The following SPEF2 variants were observed in gnomAD, a reference collection of about 807,000 sequenced individuals.
SPEF2 encodes sperm flagella and cilia-associated protein 2.
SPEF2 carries 187 observed loss-of-function variants against 224.6 expected under a neutral mutation model. The observed-to-expected ratio is 0.83, with a 90% CI of 0.74 to 0.94. SPEF2 has a LOEUF of 0.94. SPEF2 is among the 40% of genes least tolerant of loss of function. The pLI is 0.00. For synonymous variants in SPEF2, 715 were observed against 707.3 expected (o/e 1.01, Z -0.17); for missense variants, 2,170 against 2,135.6 (o/e 1.02, Z -0.32).
At chr5:35,801,396 C>T (rs189002335) in intron 34 of SPEF2, among the ~76,000 whole-genome samples, 2 of 152,016 alleles carry the variant, frequency 1.3e-5, no homozygotes, top group African/African-American at 4.8e-5. Context: ...GCCTGTAGTC[C>T]CAGCTACTCA....
intron 30 of SPEF2, 121 bp downstream of exon 30, chr5:35,779,467 T>A: frequency 1.4e-6 from 1 of 693,168 alleles, no homozygotes; most frequent in Non-Finnish European, 2.4e-6. Context: ...AACATGCCCT[T>A]GCTTTGTTCT....
chr5:35,724,086 A>T lies in SPEF2; in HGVS notation c.2915-3589A>T, dbSNP rs1236260485. Among the ~76,000 whole-genome samples the T allele has an allele frequency of 2.6e-5, 4 of 152,202 alleles. No individual in the cohort carries two copies. The East Asian group carries it at 7.7e-4, about 29-fold the overall frequency. ...ATAATCTCATTAAGTTCTCACAATC[A>T]TCTATGAAGTAGAAATTATCATTTT... On this transcript the variant is annotated intron_variant, in intron 20 of 36. Coordinates refer to ENST00000356031, the MANE Select transcript of SPEF2 (RefSeq NM_024867.4).
chr5:35,702,529 C>T (rs747523355), intron 16 of SPEF2, among the ~76,000 whole-genome samples: 1 of 152,142 alleles, frequency 6.6e-6, no homozygotes, highest in Non-Finnish European at 1.5e-5. Flanking sequence ...CAAATACTGA[C>T]CCTTTGTGGC....
rs1190463295 is a variant in SPEF2, at chr5:35,669,948, T to C, written c.1356-111T>C. On this transcript the variant is annotated intron_variant, in intron 9 of 36. Transcript: ENST00000356031. ...CTTTAAGATCATTTTTCAGTAATTATTTCTGTCTGATGAAAGTGAGCTAAT... is the reference window on the plus strand; with the variant it reads ...CTTTAAGATCATTTTTCAGTAATTACTTCTGTCTGATGAAAGTGAGCTAAT... The C allele has an allele frequency of 8.6e-6, 7 of 818,524 alleles. No homozygotes were observed. The East Asian group carries it at 2.0e-4, about 23-fold the overall frequency. 50.7% of individuals were successfully genotyped at this position (818,524 alleles called of 1,614,324 possible). A position where few individuals can be genotyped will look rare whatever the true frequency, so the allele number is the denominator to read the frequency against.
At chr5:35,720,418 T>C (rs749034483) in intron 20 of SPEF2, among the ~76,000 whole-genome samples, 1 of 152,224 alleles carries the variant, frequency 6.6e-6, no homozygotes, top group Non-Finnish European at 1.5e-5. Flanking sequence ...TCATGAGTCC[T>C]GTATGTTTTT....
intron 10 of SPEF2, chr5:35,675,970 A>C (rs1210375383): frequency 6.6e-6 from 3 of 456,292 alleles, no homozygotes; most frequent in Admixed American, 2.3e-5. Context: ...ATTTGGCTTC[A>C]AATTATTAAC....
chr5:35,754,538 G>T (rs1447737274), intron 24 of SPEF2, among the ~76,000 whole-genome samples: 2 of 152,194 alleles, frequency 1.3e-5, no homozygotes, highest in Non-Finnish European at 1.5e-5. Flanking sequence ...TCTCACACAA[G>T]AACTGGGAGA....
chr5:35,805,008 C>A (rs572667670), intron 34 of SPEF2, among the ~76,000 whole-genome samples: 1 of 152,156 alleles, frequency 6.6e-6, no homozygotes. Flanking sequence ...TTTCATTGCC[C>A]TGGAAGATTA....
chr5:35,661,337 A>G (rs1432412871), intron 8 of SPEF2, among the ~76,000 whole-genome samples: 1 of 142,036 alleles, frequency 7.0e-6, no homozygotes, highest in South Asian at 2.2e-4. Flanking sequence ...AAGTGTGTGT[A>G]TATATATATA....
At chr5:35,748,366 T>C (rs998335938) in intron 23 of SPEF2, among the ~76,000 whole-genome samples, 22 of 151,500 alleles carry the variant, frequency 1.5e-4, no homozygotes, top group African/African-American at 4.9e-4. Context: ...ACAAAAAAAA[T>C]ACAAAAGACA....
At chr5:35,643,275 A>G (rs1467794951) in intron 3 of SPEF2, among the ~76,000 whole-genome samples, 1 of 152,182 alleles carries the variant, frequency 6.6e-6, no homozygotes, top group African/African-American at 2.4e-5. Flanking sequence ...TTTGTCAAGC[A>G]CTTGCACAAC....
intron 1 of SPEF2, among the ~76,000 whole-genome samples, chr5:35,627,343 T>C (rs1744410081): frequency 6.6e-6 from 1 of 152,148 alleles, no homozygotes. Flanking sequence ...GGCTCATGCC[T>C]GTAATCCCAG....
intron 16 of SPEF2, chr5:35,702,362 G>A (rs1219998672): frequency 4.4e-6 from 2 of 455,030 alleles, no homozygotes; most frequent in South Asian, 3.1e-5. Context: ...GAGACTGGGG[G>A]ATGTAAGGAG....
chr5:35,733,152 T>C lies in SPEF2; in HGVS notation c.3063+5329T>C, dbSNP rs532693958. ...TTTTTTGAGATGGAGTCTCGCTCTG[T>C]CACCCAGGCTGGAGTGCAGTGGCAT... is the stretch of plus-strand genomic sequence containing the variant. On this transcript the variant is annotated intron_variant, in intron 21 of 36. Coordinates refer to ENST00000356031, the MANE Select transcript of SPEF2 (RefSeq NM_024867.4). Among the ~76,000 whole-genome samples the C allele has an allele frequency of 7.2e-5, 11 of 152,170 alleles. No individual in the cohort carries two copies. The South Asian group carries it at 2.1e-3, about 29-fold the overall frequency.
At chr5:35,618,805 T>C (rs989755845) in intron 1 of SPEF2, among the ~76,000 whole-genome samples, 6 of 152,150 alleles carry the variant, frequency 3.9e-5, no homozygotes, top group Admixed American at 3.3e-4. Context: ...CAATTTTACA[T>C]GCTGGCAGCT....
intron 26 of SPEF2, chr5:35,764,900 ATTTT>A (rs1751887795): frequency 2.8e-6 from 1 of 360,474 alleles, no homozygotes; most frequent in African/African-American, 2.1e-5. Context: ...TTCGAAAAAC[ATTTT>A]AGTATGGATT....
chr5:35,623,383 G>A (rs1364100708), intron 1 of SPEF2, among the ~76,000 whole-genome samples: 1 of 152,152 alleles, frequency 6.6e-6, no homozygotes, highest in Non-Finnish European at 1.5e-5. Flanking sequence ...GATAGTGCAG[G>A]CTCGATCTTT....
chr5:35,776,305 C>T lies in SPEF2; in HGVS notation c.4127C>T (p.Ala1376Val). 6.2e-7 allele frequency: 1 copy of T among 1,612,344 alleles called. No homozygotes were observed. The highest frequency in any genetic ancestry group is 8.5e-7 in the Non-Finnish European group (1 of 1,179,286). Residue 1376 changes from alanine to valine, a missense_variant, in exon 29 of 37, where the codon GCT becomes GTT. Ala to Val is a moderately conservative substitution (Grantham distance 64). Coordinates refer to ENST00000356031, the MANE Select transcript of SPEF2 (RefSeq NM_024867.4). ...RLELIKTKAL[A>V]LLEDLVTKVV... ...GAACTGATAAAGACAAAAGCATTGG[C>T]TCTTCTTGAAGATTTAGTAACAAAG...
intron 36 of SPEF2, chr5:35,807,641 A>T: frequency 3.3e-6 from 5 of 1,535,742 alleles, no homozygotes; most frequent in Non-Finnish European, 4.4e-6. Context: ...CACGCAAGGT[A>T]CACATCATCT....
Sources: allele counts gnomAD v4.1 joint callset (sites outside exome capture counted in the v4.1 genomes callset), GRCh38; gene constraint gnomAD v4.1.1; transcripts MANE v1.5; gene names NCBI Gene and HGNC (gene_info 2026-07-23, HGNC 2026-07-21).